Variants in TRMU observed in about 807,000 individuals in gnomAD.
The protein encoded by TRMU is tRNA mitochondrial 2-thiouridylase, also known as mitochondrial tRNA-specific 2-thiouridylase 1.
In TRMU, 49 loss-of-function variants were observed where a neutral mutation model predicts 46.9. The observed-to-expected ratio is 1.05, with a 90% CI of 0.83 to 1.33. The LOEUF (loss-of-function observed/expected upper bound fraction) is 1.33. TRMU is among the 40% of genes most tolerant of loss of function. TRMU has a pLI of 0.00. For synonymous variants in TRMU, 241 were observed against 200.9 expected (o/e 1.20, Z -1.69); for missense variants, 572 against 532.4 (o/e 1.07, Z -0.73).
Position 46,353,830 on chromosome 22 carries a change from T to C in TRMU, c.836T>C (p.Val279Ala). 6.2e-7 allele frequency: 1 copy of C among 1,613,784 alleles called. No individual in the cohort carries two copies. Among genetic ancestry groups the C allele is most frequent in the Non-Finnish European group, 8.5e-7 (1 of 1,179,832 alleles). ...NIGGLREPWY[V>A]VEKDSVKGDV... ...GGTGGCCTGAGAGAGCCCTGGTACG[T>C]GGTGGAGAAGGACAGCGTCAAGGGT... The change falls in exon 8 of 11, where the codon GTG becomes GCG. Residue 279 changes from valine to alanine, a missense_variant. Transcript: ENST00000645190.
chr22:46,337,854 A>G lies in TRMU; in HGVS notation c.158A>G (p.Asp53Gly), dbSNP rs760918076. ...DEHGVCTADKDCEDAYRVCQI... is the reference protein window; with the variant it reads ...DEHGVCTADKGCEDAYRVCQI... ...CATGGGGTCTGTACTGCCGACAAAG[A>G]CTGTGAAGATGCTTACAGAGTTTGC... The change falls in exon 2 of 11, where the codon GAC becomes GGC. Residue 53 changes from aspartate (D) to glycine (G), a missense_variant. Transcript: ENST00000645190. 6.2e-7 allele frequency: 1 copy of G among 1,614,120 alleles called. No individual in the cohort carries two copies. The highest frequency in any genetic ancestry group is 8.5e-7 in the Non-Finnish European group (1 of 1,180,044).
chr22:46,353,840 G>A lies in TRMU; in HGVS notation c.846G>A (p.Lys282=). The change falls in exon 8 of 11, where the codon AAG becomes AAA. Residue 282 remains lysine, a synonymous_variant. Coordinates refer to ENST00000645190, the MANE Select transcript of TRMU (RefSeq NM_018006.5). ...GAGAGCCCTGGTACGTGGTGGAGAA[G>A]GACAGCGTCAAGGGTGACGTGTTTG... ...GLREPWYVVE[K]DSVKGDVFVA... The A allele has an allele frequency of 6.2e-7, 1 of 1,613,976 alleles. No homozygotes were observed. The highest frequency in any genetic ancestry group is 8.5e-7 in the Non-Finnish European group (1 of 1,179,888).
At chr22:46,340,115 G>C (rs983755691) in intron 2 of TRMU, among the ~76,000 whole-genome samples, 2 of 152,156 alleles carry the variant, frequency 1.3e-5, no homozygotes, top group Admixed American at 6.5e-5. Flanking sequence ...CAGTAGATCT[G>C]AGGTGCTTGT....
chr22:46,357,195 T>C lies in TRMU; in HGVS notation c.*189T>C, dbSNP rs2078640457. Reference sequence around the variant, plus strand: ...GAGCCTCAGCTCCAGGCTGGGGCTCTGGCTGCTGGAGCATCTGCTGGCTGG... The same window carrying C: ...GAGCCTCAGCTCCAGGCTGGGGCTCCGGCTGCTGGAGCATCTGCTGGCTGG... On this transcript the variant is annotated 3_prime_UTR_variant, in exon 11 of 11. Coordinates refer to ENST00000645190, the MANE Select transcript of TRMU (RefSeq NM_018006.5). 1.3e-6 allele frequency: 1 copy of C among 752,520 alleles called. No individual in the cohort carries two copies. The allele number at this position is 752,520 out of a possible 1,614,324, so 46.6% of individuals were successfully genotyped here.
At chr22:46,354,354 C>T (rs2078531160) in intron 8 of TRMU, 1 of 182,890 alleles carries the variant, frequency 5.5e-6, no homozygotes, top group Non-Finnish European at 1.2e-5. Context: ...AAGCTCACCC[C>T]ACCTTCAGGG....
At chr22:46,355,650 T>C (rs1241601554) in intron 9 of TRMU, 62 bp downstream of exon 9, 6 of 1,612,382 alleles carry the variant, frequency 3.7e-6, no homozygotes, top group Non-Finnish European at 5.1e-6. Context: ...GAGGCCAGAT[T>C]TGGGCCAGGG....
In TRMU at chr22:46,351,145, G is replaced by A. The variant is rs1052855505; in HGVS notation, c.651+682G>A. 1.4e-4 allele frequency among the ~76,000 whole-genome samples: 22 copies of A among 152,308 alleles called. No individual in the cohort carries two copies. The highest frequency in any genetic ancestry group is 2.6e-4 in the African/African-American group (11 of 41,564). On this transcript the variant is annotated intron_variant, in intron 5 of 10. Transcript: ENST00000645190. This position sits in a 1 kb window ranked among gnomAD's most constrained non-coding sequence, Gnocchi z 6.4. Reference sequence around the variant, plus strand: ...TGAGACCTGAAGGAGGAGAGGATCCGGTGTCCCAGAGAGGGCTGGGAAAGT... The same window carrying A: ...TGAGACCTGAAGGAGGAGAGGATCCAGTGTCCCAGAGAGGGCTGGGAAAGT...
intron 4 of TRMU, 119 bp downstream of exon 4, chr22:46,346,663 G>A: frequency 1.6e-6 from 2 of 1,230,966 alleles, no homozygotes; most frequent in Non-Finnish European, 2.3e-6. Flanking sequence ...CTCCAGAGTA[G>A]CTTGTATGGG....
Position 46,342,114 on chromosome 22 carries a change from C to T in TRMU, c.249-1148C>T, listed in dbSNP as rs888176722. ...ATCTACTTGGAGATAGTGCTGGATC[C>T]CAAAGGTTGGGGGTTCAGTCCCCCA... On this transcript the variant is annotated intron_variant, in intron 2 of 10. Transcript: ENST00000645190. The surrounding 1 kb of genome is among the most constrained non-coding windows in gnomAD (Gnocchi z 4.7). 2.0e-5 allele frequency among the ~76,000 whole-genome samples: 3 copies of T among 152,142 alleles called. No individual in the cohort carries two copies. Among genetic ancestry groups the T allele is most frequent in the Admixed American group, 6.5e-5 (1 of 15,280 alleles).
At chr22:46,355,078 G>A (rs12169767) in intron 8 of TRMU, 17 of 352,330 alleles carry the variant, frequency 4.8e-5, no homozygotes, top group African/African-American at 1.5e-4. Flanking sequence ...CTGTCCCTGC[G>A]AATAGAAAAA....
Position 46,338,080 on chromosome 22 carries a change from A to G in TRMU, c.248+136A>G. ...CTCCACGGTGGTGCTGAAGACTGCA[A>G]GAGGCCTCAGCCACCCTCGGGGCTC... On this transcript the variant is annotated intron_variant, in intron 2 of 10. Transcript: ENST00000645190. This position sits in a 1 kb window ranked among gnomAD's most constrained non-coding sequence, Gnocchi z 4.5. The G allele has an allele frequency of 3.2e-6, 4 of 1,264,070 alleles. No individual in the cohort carries two copies. Among genetic ancestry groups the G allele is most frequent in the Non-Finnish European group, 4.6e-6 (4 of 875,624 alleles). The allele number at this position is 1,264,070 out of a possible 1,614,324, so 78.3% of individuals were successfully genotyped here.
intron 8 of TRMU, chr22:46,354,905 T>TA: frequency 6.1e-6 from 1 of 162,800 alleles, no homozygotes; most frequent in African/African-American, 2.4e-5. Flanking sequence ...AGCAGGGGCC[T>TA]CAGAACCAAC....
chr22:46,339,439 C>G lies in TRMU; in HGVS notation c.248+1495C>G, dbSNP rs1338853540. 3.3e-5 allele frequency among the ~76,000 whole-genome samples: 5 copies of G among 152,196 alleles called. No homozygotes were observed. The highest frequency in any genetic ancestry group is 7.3e-5 in the Non-Finnish European group (5 of 68,042). On this transcript the variant is annotated intron_variant, in intron 2 of 10. Transcript: ENST00000645190. This position sits in a 1 kb window ranked among gnomAD's most constrained non-coding sequence, Gnocchi z 4.8. Reference sequence around the variant, plus strand: ...TGCTGGGATTACAGGCGTGAGCCACCACGCCAGCCTGCTATTTTTATTTTC... The same window carrying G: ...TGCTGGGATTACAGGCGTGAGCCACGACGCCAGCCTGCTATTTTTATTTTC...
chr22:46,342,557 T>C lies in TRMU; in HGVS notation c.249-705T>C, dbSNP rs570559581. 1.3e-5 allele frequency among the ~76,000 whole-genome samples: 2 copies of C among 152,308 alleles called. No homozygotes were observed. The highest frequency in any genetic ancestry group is 2.1e-4 in the South Asian group (1 of 4,826). ...GACCCACAGTCAGAAAGGTAGACGC[T>C]TGTAATCCTAGCACTTTAGGAGGCT... On this transcript the variant is annotated intron_variant, in intron 2 of 10. Transcript: ENST00000645190. The surrounding 1 kb of genome is among the most constrained non-coding windows in gnomAD (Gnocchi z 4.7).
chr22:46,356,174 T>G, intron 10 of TRMU, 102 bp downstream of exon 10: 1 of 1,345,134 alleles, frequency 7.4e-7, no homozygotes. Context: ...AGGAGTAGGG[T>G]GTGCTCGGGT....
In TRMU at chr22:46,338,786, C is replaced by G. The variant is rs376637699; in HGVS notation, c.248+842C>G. On this transcript the variant is annotated intron_variant, in intron 2 of 10. Transcript: ENST00000645190. The surrounding 1 kb of genome is among the most constrained non-coding windows in gnomAD (Gnocchi z 4.5). The stretch of plus-strand genomic sequence containing the variant: ...GTGTAGGGCTCATCCTCTGGTGAGC[C>G]CTGACTGTGATGAATGTCGGGCAGT... 2.6e-5 allele frequency among the ~76,000 whole-genome samples: 4 copies of G among 151,700 alleles called. No individual in the cohort carries two copies. In the South Asian group the frequency reaches 8.3e-4, roughly 32 times the overall value.
chr22:46,350,525 A>G lies in TRMU; in HGVS notation c.651+62A>G. 2 of 1,600,058 alleles carry G rather than the reference A, an allele frequency of 1.2e-6. No homozygotes were observed. The highest frequency in any genetic ancestry group is 1.7e-6 in the Non-Finnish European group (2 of 1,169,966). ...TCCCTTTCCCGACTGCATGGCACGGAGCAGCTGGACCTGTGGGTCCCGCAC... is the reference window on the plus strand; with the variant it reads ...TCCCTTTCCCGACTGCATGGCACGGGGCAGCTGGACCTGTGGGTCCCGCAC... On this transcript the variant is annotated intron_variant, in intron 5 of 10. Transcript: ENST00000645190. The surrounding 1 kb of genome is among the most constrained non-coding windows in gnomAD (Gnocchi z 4.6).
chr22:46,353,686 C>T, intron 7 of TRMU, 81 bp from the exon 8 acceptor site: 1 of 1,352,180 alleles, frequency 7.4e-7, no homozygotes, highest in Non-Finnish European at 1.1e-6. Context: ...GCTGCCCTCC[C>T]AGCATCTGCC....
chr22:46,337,444 A>G (rs910586704), intron 1 of TRMU, among the ~76,000 whole-genome samples: 2 of 152,170 alleles, frequency 1.3e-5, no homozygotes, highest in African/African-American at 4.8e-5. Context: ...TCCTTTTTTG[A>G]TAACTGAATG....
Sources: gnomAD v4.1 joint callset for allele counts (sites outside exome capture counted in the v4.1 genomes callset) on GRCh38, gnomAD v4.1.1 for gene constraint, Gnocchi (gnomAD v3.1) non-coding constraint, MANE v1.5 for transcripts, NCBI Gene and HGNC (gene_info 2026-07-23, HGNC 2026-07-21) for gene names.